SLC12A2: variants seen among roughly 807,000 people sequenced by gnomAD.
SLC12A2 encodes the protein Na-K-2Cl cotransporter 1.
In SLC12A2, 67 loss-of-function variants were observed where a neutral mutation model predicts 136.3. That is an observed-to-expected ratio of 0.49 (90% CI 0.40 to 0.60). SLC12A2 has a LOEUF of 0.60. Among genes scored for constraint, SLC12A2 ranks in the 20% least tolerant of loss-of-function variants. The pLI is 0.00. For missense variants in SLC12A2, 1,322 were observed against 1,534.7 expected (o/e 0.86, Z 2.32); for synonymous variants, 619 against 562.9 (o/e 1.10, Z -1.41).
intron 1 of SLC12A2, among the ~76,000 whole-genome samples, chr5:128,093,400 C>A (rs552693984): frequency 3.4e-4 from 52 of 152,274 alleles, no homozygotes; most frequent in Middle Eastern, 3.4e-3. Flanking sequence ...ATTTCGTCTT[C>A]TACCCACACT....
At chr5:128,114,446 G>A (rs1325894717) in intron 3 of SLC12A2, 140 bp from the exon 4 acceptor site, 4 of 817,676 alleles carry the variant, frequency 4.9e-6, no homozygotes, top group Non-Finnish European at 7.8e-6. Flanking sequence ...ATTCTGATTT[G>A]GTTTTTATAA....
At chr5:128,092,397 C>G (rs772875618) in intron 1 of SLC12A2, among the ~76,000 whole-genome samples, 2 of 152,254 alleles carry the variant, frequency 1.3e-5, no homozygotes, top group South Asian at 2.1e-4. Context: ...TAGGAAACTT[C>G]ACAGAGCATG....
At chr5:128,132,506 G>A (rs778086459) in intron 5 of SLC12A2, among the ~76,000 whole-genome samples, 1 of 152,198 alleles carries the variant, frequency 6.6e-6, no homozygotes, top group African/African-American at 2.4e-5. Context: ...GTGTTAACTA[G>A]AAGAACCATG....
At position 128,171,757 on chromosome 5, in the gene SLC12A2, T is replaced by C. The variant is rs1763382814; in HGVS notation, c.2803+11T>C. The C allele has an allele frequency of 1.3e-6, 2 of 1,527,350 alleles. No individual in the cohort carries two copies. Among genetic ancestry groups the C allele is most frequent in the East Asian group, 4.6e-5 (2 of 43,884 alleles). The allele number at this position is 1,527,350 out of a possible 1,614,324, so 94.6% of individuals were successfully genotyped here. Reference sequence around the variant, plus strand: ...ATCTTCAAGGACAAGGTAAATTTTGTTGGCAATAAGTTTTTTATTTACAAA... The same window carrying C: ...ATCTTCAAGGACAAGGTAAATTTTGCTGGCAATAAGTTTTTTATTTACAAA... On this transcript the variant is annotated intron_variant, in intron 19 of 26. Coordinates refer to ENST00000262461, the MANE Select transcript of SLC12A2 (RefSeq NM_001046.3).
chr5:128,116,231 G>A (rs1254832567), intron 4 of SLC12A2, among the ~76,000 whole-genome samples: 1 of 152,036 alleles, frequency 6.6e-6, no homozygotes, highest in Non-Finnish European at 1.5e-5. Flanking sequence ...AAAAGGAATG[G>A]GGCATGAAGC....
At position 128,084,136 on chromosome 5, in the gene SLC12A2, C is replaced by A. The variant is rs1314538214; in HGVS notation, c.182C>A (p.Pro61His). ...RDGGGVRDEG[P>H]AAAGDGLGRP... ...GGCGGCGGGGTCCGCGATGAGGGCC[C>A]CGCGGCGGCCGGGGACGGGCTGGGC... The change falls in exon 1 of 27, where the codon CCC (proline) becomes CAC (histidine). Residue 61 changes from proline to histidine, a missense_variant. Around this residue, in one of 8 missense-constraint regions of SLC12A2, gnomAD observed 358 missense variants for 299.7 expected, o/e 1.19. Transcript: ENST00000262461. This position sits in a 1 kb window ranked among gnomAD's most constrained non-coding sequence, Gnocchi z 5.6. The A allele has an allele frequency of 1.5e-6, 2 of 1,297,180 alleles. No individual in the cohort carries two copies. The highest frequency in any genetic ancestry group is 4.0e-5 in the Admixed American group (1 of 24,896). 80.4% of individuals were successfully genotyped at this position (1,297,180 alleles called of 1,614,324 possible). A position where few individuals can be genotyped will look rare whatever the true frequency, so the allele number is the denominator to read the frequency against.
chr5:128,165,227 G>A (rs1763164609), intron 17 of SLC12A2, among the ~76,000 whole-genome samples: 1 of 152,098 alleles, frequency 6.6e-6, no homozygotes, highest in South Asian at 2.1e-4. Context: ...CATTAGCATT[G>A]CTAATTTTCT....
chr5:128,183,306 C>G (rs1170567951), intron 24 of SLC12A2, among the ~76,000 whole-genome samples: 1 of 151,990 alleles, frequency 6.6e-6, no homozygotes, highest in African/African-American at 2.4e-5. Flanking sequence ...GCAATAGTTG[C>G]ATTCAGAATT....
chr5:128,134,321 T>G (rs775545051), intron 6 of SLC12A2, 46 bp downstream of exon 6: 3 of 986,342 alleles, frequency 3.0e-6, no homozygotes, highest in Admixed American at 1.7e-5. Flanking sequence ...ACGTAAACTT[T>G]TAGAGCTTAT....
At chr5:128,119,595 A>G (rs754108167) in intron 4 of SLC12A2, among the ~76,000 whole-genome samples, 38 of 152,164 alleles carry the variant, frequency 2.5e-4, no homozygotes, top group Non-Finnish European at 4.1e-4. Context: ...CTGTTTTGGT[A>G]CCAGTACCAT....
chr5:128,152,627 A>G, intron 14 of SLC12A2, 79 bp from the exon 15 acceptor site: 1 of 884,290 alleles, frequency 1.1e-6, no homozygotes, highest in Non-Finnish European at 1.9e-6. Context: ...AAGCATGTTT[A>G]ATTCTCTATG....
Position 128,174,620 on chromosome 5 carries a change from T to C in SLC12A2, c.2883T>C (p.Asp961=), listed in dbSNP as rs1038916360. The part of the protein sequence containing the change: ...VVSVEYSKKS[D]LDTSKPLSEK... ...GTGTGGAATATAGTAAAAAGTCCGA[T>C]TTAGATACTTCCAAACCACTCAGTG... Residue 961 remains aspartate (D), a synonymous_variant, in exon 20 of 27, where the codon GAT becomes GAC. Transcript: ENST00000262461. The C allele has an allele frequency of 6.2e-7, 1 of 1,609,184 alleles. No homozygotes were observed. The highest frequency in any genetic ancestry group is 8.5e-7 in the Non-Finnish European group (1 of 1,177,286).
At chr5:128,113,078 A>T in intron 2 of SLC12A2, 145 bp downstream of exon 2, 1 of 565,588 alleles carries the variant, frequency 1.8e-6, no homozygotes, top group Non-Finnish European at 2.8e-6. Flanking sequence ...CCAAATTAAT[A>T]GCTTGTACCT....
rs1761254872 is a variant in SLC12A2 at position 128,114,062 on chromosome 5, T to TA, written c.877-147dup. The TA allele has an allele frequency of 4.9e-6, 3 of 612,452 alleles. No homozygotes were observed. In the East Asian group the frequency reaches 8.0e-5, roughly 16 times the overall value. The allele number at this position is 612,452 out of a possible 1,614,324, so 37.9% of individuals were successfully genotyped here. A position where few individuals can be genotyped will look rare whatever the true frequency, so the allele number is the denominator to read the frequency against. ...CTTTTAAGCTCTTTATAAAAACTGT[T>TA]AAAGAAAAGGGTGGGGTAGGAGTTA... is the stretch of plus-strand genomic sequence containing the variant. On this transcript the variant is annotated intron_variant, in intron 2 of 26. Transcript: ENST00000262461.
Position 128,084,038 on chromosome 5 carries a change from C to T in SLC12A2, c.84C>T (p.Ala28=), listed in dbSNP as rs774219622. 15 of 1,269,708 alleles carry T rather than the reference C, an allele frequency of 1.2e-5. No individual in the cohort carries two copies. In the South Asian group the frequency reaches 2.7e-4, roughly 23 times the overall value. 78.7% of individuals were successfully genotyped at this position (1,269,708 alleles called of 1,614,324 possible). The change falls in exon 1 of 27, where the codon GCC becomes GCT. Residue 28 remains alanine (A), a synonymous_variant. Transcript: ENST00000262461. This position sits in a 1 kb window ranked among gnomAD's most constrained non-coding sequence, Gnocchi z 5.6. ...VGETPSAAAL[A]AARVELPGTA... is the part of the protein sequence containing the mutation. ...AGACGCCGTCAGCCGCTGCGCTGGC[C>T]GCAGCCAGGGTGGAACTGCCCGGCA...
At chr5:128,118,419 G>A (rs973774845) in intron 4 of SLC12A2, among the ~76,000 whole-genome samples, 1 of 152,124 alleles carries the variant, frequency 6.6e-6, no homozygotes. Flanking sequence ...TGGCATTTGC[G>A]GCAACCTGCA....
intron 4 of SLC12A2, among the ~76,000 whole-genome samples, chr5:128,120,330 A>ACCTTC (rs1761508874): frequency 7.8e-6 from 1 of 127,678 alleles, no homozygotes; most frequent in Admixed American, 8.7e-5. Flanking sequence ...AACTAGAAAT[A>ACCTTC]CCATTTGACC....
intron 22 of SLC12A2, among the ~76,000 whole-genome samples, chr5:128,179,116 A>G (rs1471454968): frequency 6.6e-5 from 10 of 152,232 alleles, no homozygotes; most frequent in Admixed American, 5.9e-4. Flanking sequence ...ATTGAGTAAT[A>G]TATGATTTTC....
chr5:128,141,002 A>T lies in SLC12A2; in HGVS notation c.1622-828A>T, dbSNP rs10062418. On this transcript the variant is annotated intron_variant, in intron 9 of 26. Transcript: ENST00000262461. ...TTTTACCTCAATATATGATGAAATAATACTGAAAAAGTGCTTCAGAAAGTA... is the reference window on the plus strand; with the variant it reads ...TTTTACCTCAATATATGATGAAATATTACTGAAAAAGTGCTTCAGAAAGTA... Among the ~76,000 whole-genome samples, 244 of 150,120 alleles carry T rather than the reference A, an allele frequency of 1.6e-3. 3 individuals are homozygous for T. Among genetic ancestry groups the T allele is most frequent in the African/African-American group, 5.9e-3 (233 of 39,504 alleles).
Sources: gnomAD v4.1 joint callset for allele counts (sites outside exome capture counted in the v4.1 genomes callset) on GRCh38, gnomAD v4.1.1 for gene constraint, gnomAD v4.1.1 regional missense constraint, Gnocchi (gnomAD v3.1) non-coding constraint, MANE v1.5 for transcripts, NCBI Gene and HGNC (gene_info 2026-07-23, HGNC 2026-07-21) for gene names.